CEP350: variants seen among roughly 807,000 people sequenced by gnomAD.
CEP350 encodes centrosome-associated protein 350.
A neutral mutation model predicts 331.8 loss-of-function variants in CEP350; 126 were observed. The observed-to-expected ratio is 0.38, with a 90% CI of 0.33 to 0.44. The LOEUF (loss-of-function observed/expected upper bound fraction) is 0.44, where lower values mean the gene tolerates loss of function less well. CEP350 is among the 20% of genes least tolerant of loss of function. CEP350 has a pLI of 1.00. For missense variants in CEP350, 3,406 were observed against 3,634.6 expected, an observed-to-expected ratio of 0.94 and a Z score of 1.62; for synonymous variants, 1,200 against 1,259.5, an observed-to-expected ratio of 0.95 and a Z score of 1.00.
At chr1:179,965,754 G>T (rs1351946606) in intron 1 of CEP350, among the ~76,000 whole-genome samples, 3 of 150,674 alleles carry the variant, frequency 2.0e-5, no homozygotes, top group African/African-American at 7.3e-5. Flanking sequence ...TTGAATAGCT[G>T]GGATTACAGG....
At chr1:180,092,185 C>A (rs1457490518) in intron 33 of CEP350, among the ~76,000 whole-genome samples, 8 of 152,108 alleles carry the variant, frequency 5.3e-5, no homozygotes, top group Non-Finnish European at 1.5e-5. Context: ...CTTTTTAATT[C>A]AAGAGCTTAG....
chr1:180,080,719 A>G, intron 30 of CEP350, 58 bp downstream of exon 30: 1 of 1,487,958 alleles, frequency 6.7e-7, no homozygotes, highest in Non-Finnish European at 9.3e-7. Flanking sequence ...CTTTACTCTA[A>G]AAGGCTTCAA....
rs1654108990 is a variant in CEP350, at chr1:180,004,873, G to GCTT, written c.1133-1581_1133-1580insCTT. On this transcript the variant is annotated intron_variant, in intron 7 of 37. Coordinates refer to ENST00000367607, the MANE Select transcript of CEP350 (RefSeq NM_014810.5). ...CAGAGCTTGGGCAGGCAGGCTGGCT[G>GCTT]GCTTGCTTGCTTGCTTGCTTGCTTG... 1.6e-3 allele frequency among the ~76,000 whole-genome samples: 164 copies of GCTT among 100,586 alleles called. 1 individual carries two copies. Among genetic ancestry groups the GCTT allele is most frequent in the African/African-American group, 4.1e-3 (116 of 28,346 alleles). The allele number at this position is 100,586 out of a possible 152,430, so 66.0% of individuals were successfully genotyped here. A position where few individuals can be genotyped will look rare whatever the true frequency, so the allele number is the denominator to read the frequency against.
chr1:180,058,943 G>A lies in CEP350; in HGVS notation c.5263-3277G>A, dbSNP rs543115198. 2.9e-3 allele frequency among the ~76,000 whole-genome samples: 448 copies of A among 152,136 alleles called. 4 individuals carry two copies. The highest frequency in any genetic ancestry group is 5.9e-3 in the Non-Finnish European group (402 of 67,966). ...GACCATATTTTCCTATGTCTTATTC[G>A]TTTTACCCTCCCTGAAGTGACATTC... On this transcript the variant is annotated intron_variant, in intron 25 of 37. Transcript: ENST00000367607.
Position 179,957,817 on chromosome 1 carries a change from G to A in CEP350, c.-14+2675G>A, listed in dbSNP as rs1047653176. ...ATTTGCCTAGGTGCTCTGGCAACAG[G>A]TTACGGTAATTTAAAGAAAATATAA... On this transcript the variant is annotated intron_variant, in intron 1 of 37. Transcript: ENST00000367607. 2.0e-5 allele frequency among the ~76,000 whole-genome samples: 3 copies of A among 152,254 alleles called. No homozygotes were observed. The East Asian group carries it at 5.8e-4, about 29-fold the overall frequency.
intron 32 of CEP350, among the ~76,000 whole-genome samples, 170 bp from the exon 33 acceptor site, chr1:180,090,543 CT>C (rs1477891273): frequency 1.2e-4 from 2 of 17,320 alleles, no homozygotes; most frequent in Non-Finnish European, 1.8e-4. Flanking sequence ...GAGACTCCGT[CT>C]CAAAAAAAAA....
chr1:180,075,349 G>A lies in CEP350; in HGVS notation c.5767+128G>A, dbSNP rs988369471. ...CGCCTGTAATCCTAACACTTTGGAA[G>A]GCCAAGGCCAGAGGATCGCCTGAGG... On this transcript the variant is annotated intron_variant, in intron 28 of 37. Transcript: ENST00000367607. 64 of 949,504 alleles carry A rather than the reference G, an allele frequency of 6.7e-5. No individual in the cohort carries two copies. In the Admixed American group the frequency reaches 1.1e-3, roughly 17 times the overall value. 58.8% of individuals were successfully genotyped at this position (949,504 alleles called of 1,614,324 possible).
intron 37 of CEP350, among the ~76,000 whole-genome samples, chr1:180,106,246 C>T (rs1661133133): frequency 6.6e-6 from 1 of 152,138 alleles, no homozygotes. Flanking sequence ...TCCTTTATAG[C>T]CTGGGAACTG....
chr1:180,080,542 T>A lies in CEP350; in HGVS notation c.6005T>A (p.Val2002Glu). The A allele has an allele frequency of 4.3e-6, 7 of 1,613,796 alleles. No individual in the cohort carries two copies. Among genetic ancestry groups the A allele is most frequent in the Non-Finnish European group, 5.9e-6 (7 of 1,179,736 alleles). ...TCACTTCCCAAAAGCTGCACATCTG[T>A]GTCAAAGCAGGAGTCTAGCAAAGGA... ...KHSLPKSCTS[V>E]SKQESSKGSH... The change falls in exon 30 of 38, where the codon GTG becomes GAG. Residue 2002 changes from valine (V) to glutamate (E), a missense_variant. By Grantham distance (121) the Val-to-Glu change is moderately radical (BLOSUM62 -2). Around this residue, in one of 5 missense-constraint regions of CEP350, gnomAD observed 1,415 missense variants for 1,512.3 expected, o/e 0.94. Coordinates refer to ENST00000367607, the MANE Select transcript of CEP350 (RefSeq NM_014810.5).
chr1:179,957,761 C>T (rs1445878917), intron 1 of CEP350, among the ~76,000 whole-genome samples: 1 of 152,096 alleles, frequency 6.6e-6, no homozygotes, highest in Non-Finnish European at 1.5e-5. Flanking sequence ...GGGAATAAGC[C>T]ACAGTGGAAA....
chr1:180,055,466 T>G (rs760463129), intron 25 of CEP350, among the ~76,000 whole-genome samples: 3 of 152,096 alleles, frequency 2.0e-5, no homozygotes, highest in Non-Finnish European at 4.4e-5. Flanking sequence ...CTGAATTATA[T>G]ATTGGCTTAT....
intron 6 of CEP350, among the ~76,000 whole-genome samples, chr1:180,002,899 A>G (rs941348130): frequency 6.6e-6 from 1 of 152,230 alleles, no homozygotes; most frequent in African/African-American, 2.4e-5. Context: ...AGGAAAATCC[A>G]TAAAGATAGA....
rs528591643 is a variant in CEP350 at position 180,096,355 on chromosome 1, AG to A, written c.9066+172del. On this transcript the variant is annotated intron_variant, in intron 36 of 37. Coordinates refer to ENST00000367607, the MANE Select transcript of CEP350 (RefSeq NM_014810.5). ...TTGTTGACTTACTGAATCCATGAAC[AG>A]TGGAGGGATTGGAATGAGTGAAAGG... 5.7e-3 allele frequency among the ~76,000 whole-genome samples: 863 copies of A among 151,704 alleles called. 7 individuals carry two copies. Among genetic ancestry groups the A allele is most frequent in the Non-Finnish European group, 6.0e-3 (405 of 67,938 alleles).
intron 1 of CEP350, among the ~76,000 whole-genome samples, chr1:179,981,652 A>G (rs535908240): frequency 6.6e-6 from 1 of 152,302 alleles, no homozygotes; most frequent in South Asian, 2.1e-4. Flanking sequence ...TGAAAGATAG[A>G]TTATTGGCAA....
chr1:180,092,490 G>A, intron 33 of CEP350, 124 bp from the exon 34 acceptor site: 2 of 564,088 alleles, frequency 3.5e-6, no homozygotes, highest in South Asian at 7.2e-5. Context: ...AGCCAAAACA[G>A]GTCATATTTA....
At chr1:180,007,386 G>GT (rs1268342788) in intron 8 of CEP350, among the ~76,000 whole-genome samples, 1 of 151,900 alleles carries the variant, frequency 6.6e-6, no homozygotes, top group Non-Finnish European at 1.5e-5. Context: ...TTTCATGTTT[G>GT]TTGGCCGCAT....
chr1:180,071,179 C>G (rs1459410962), intron 27 of CEP350, among the ~76,000 whole-genome samples: 1 of 149,842 alleles, frequency 6.7e-6, no homozygotes, highest in Non-Finnish European at 1.5e-5. Flanking sequence ...TGAATAAAGC[C>G]GGGCACGGTG....
intron 15 of CEP350, 45 bp from the exon 16 acceptor site, chr1:180,033,817 A>G: frequency 6.4e-7 from 1 of 1,563,888 alleles, no homozygotes; most frequent in Non-Finnish European, 8.7e-7. Flanking sequence ...TGGTTTACAA[A>G]GTACTTTTCC....
At position 180,111,324 on chromosome 1, in the gene CEP350, A is replaced by G. The variant is rs1374654265; in HGVS notation, c.*163A>G. On this transcript the variant is annotated 3_prime_UTR_variant, in exon 38 of 38. Transcript: ENST00000367607. ...CATAGGACAATGTGGTACACCTGGTATTACAGCCTTTGCCTTTCGAGACTA... is the reference window on the plus strand; with the variant it reads ...CATAGGACAATGTGGTACACCTGGTGTTACAGCCTTTGCCTTTCGAGACTA... 1 of 794,076 alleles carries G rather than the reference A, an allele frequency of 1.3e-6. No individual in the cohort carries two copies. Among genetic ancestry groups the G allele is most frequent in the Non-Finnish European group, 1.9e-6 (1 of 519,170 alleles). 49.2% of individuals were successfully genotyped at this position (794,076 alleles called of 1,614,324 possible).
Sources: gnomAD v4.1 joint callset for allele counts (sites outside exome capture counted in the v4.1 genomes callset) on GRCh38, gnomAD v4.1.1 for gene constraint, gnomAD v4.1.1 regional missense constraint, MANE v1.5 for transcripts, NCBI Gene and HGNC (gene_info 2026-07-23, HGNC 2026-07-21) for gene names.